NMNAT3: variants seen among roughly 807,000 people sequenced by gnomAD.
The protein encoded by NMNAT3 is nicotinamide/nicotinic acid mononucleotide adenylyltransferase 3.
A neutral mutation model predicts 24.8 loss-of-function variants in NMNAT3; 21 were observed. The observed-to-expected ratio is 0.85, with a 90% CI of 0.60 to 1.22. NMNAT3 has a LOEUF of 1.22. Ranked by LOEUF, NMNAT3 falls within the 50% of genes most tolerant of loss-of-function variation. The probability of loss-of-function intolerance (pLI) is 0.00; values close to 1 mark genes in which losing one functional copy is unlikely to be tolerated. For missense variants in NMNAT3, 387 were observed against 436.6 expected (o/e 0.89, Z 1.01); for synonymous variants, 136 against 155.2 (o/e 0.88, Z 0.92).
In NMNAT3 at chr3:139,598,974, T is replaced by C. The variant is rs550673448; in HGVS notation, c.110-15766A>G. ...CATCTATGTGTAGCCCCAAACCAGGTCACTCTAAGGTGTGATGGAAAAACT... is the reference window on the plus strand; with the variant it reads ...CATCTATGTGTAGCCCCAAACCAGGCCACTCTAAGGTGTGATGGAAAAACT... On this transcript the variant is annotated intron_variant, in intron 3 of 6. Coordinates refer to ENST00000643695, the MANE Select transcript of NMNAT3 (RefSeq NM_001320510.2). Among the ~76,000 whole-genome samples the C allele has an allele frequency of 3.3e-5, 5 of 152,196 alleles. No individual in the cohort carries two copies. In the South Asian group the frequency reaches 1.0e-3, roughly 32 times the overall value.
intron 3 of NMNAT3, among the ~76,000 whole-genome samples, chr3:139,603,637 A>G (rs1375055671): frequency 6.6e-6 from 1 of 152,136 alleles, no homozygotes; most frequent in Admixed American, 6.5e-5. Context: ...GACAACTGCC[A>G]TCACGGTCAC....
chr3:139,635,610 A>G (rs2056471640), intron 2 of NMNAT3: 1 of 152,226 alleles, frequency 6.6e-6, no homozygotes, highest in Non-Finnish European at 1.5e-5. Context: ...AATTAAAAAC[A>G]CAACCTACCA....
chr3:139,610,934 C>T (rs772879218), intron 3 of NMNAT3, among the ~76,000 whole-genome samples: 24 of 152,102 alleles, frequency 1.6e-4, no homozygotes, highest in Admixed American at 3.3e-4. Context: ...AATGATATTA[C>T]AATAAATATA....
chr3:139,664,185 G>C (rs1199736450), intron 1 of NMNAT3, among the ~76,000 whole-genome samples: 1 of 152,140 alleles, frequency 6.6e-6, no homozygotes, highest in African/African-American at 2.4e-5. Flanking sequence ...TGAAAGTAGA[G>C]AGATTAACAT....
intron 3 of NMNAT3, among the ~76,000 whole-genome samples, chr3:139,588,221 C>G (rs1247362462): frequency 1.3e-5 from 2 of 152,142 alleles, no homozygotes; most frequent in Non-Finnish European, 2.9e-5. Flanking sequence ...TCCATTACAG[C>G]ACCTGTATGA....
At chr3:139,609,555 T>C (rs933005587) in intron 3 of NMNAT3, 2 of 127,164 alleles carry the variant, frequency 1.6e-5, no homozygotes, top group Non-Finnish European at 3.3e-5. Context: ...TGGTTCTTCA[T>C]GTATTTTGTT....
At chr3:139,622,690 A>G (rs184700010) in intron 3 of NMNAT3, among the ~76,000 whole-genome samples, 112 of 149,708 alleles carry the variant, frequency 7.5e-4, no homozygotes, top group African/African-American at 2.6e-3. Context: ...AGCTGAGATC[A>G]TGGCACTGCA....
At chr3:139,561,533 A>C in intron 6 of NMNAT3, 141 bp from the exon 7 acceptor site, 1 of 759,458 alleles carries the variant, frequency 1.3e-6, no homozygotes, top group Non-Finnish European at 2.1e-6. Flanking sequence ...TGAAAAGAAA[A>C]AGCATGTAAA....
chr3:139,578,392 T>C (rs973010914), intron 5 of NMNAT3, among the ~76,000 whole-genome samples: 1 of 152,228 alleles, frequency 6.6e-6, no homozygotes, highest in African/African-American at 2.4e-5. Flanking sequence ...GCTTATTCTA[T>C]AGATGTAGTT....
At chr3:139,634,276 T>C (rs1183400106) in intron 2 of NMNAT3, 1 of 152,236 alleles carries the variant, frequency 6.6e-6, no homozygotes, top group East Asian at 1.9e-4. Context: ...TGAGCATTTG[T>C]AACGGGCCCA....
chr3:139,664,734 A>C (rs907697933), intron 1 of NMNAT3, among the ~76,000 whole-genome samples: 1 of 152,234 alleles, frequency 6.6e-6, no homozygotes, highest in Non-Finnish European at 1.5e-5. Context: ...AATAGAAAGA[A>C]TCTTGAATAT....
chr3:139,663,547 C>T (rs2057485720), intron 1 of NMNAT3, among the ~76,000 whole-genome samples: 1 of 152,202 alleles, frequency 6.6e-6, no homozygotes. Context: ...ATTCTGGGAT[C>T]TCAAACCTAG....
chr3:139,588,271 C>T (rs915104636), intron 3 of NMNAT3, among the ~76,000 whole-genome samples: 11 of 152,090 alleles, frequency 7.2e-5, no homozygotes, highest in Admixed American at 5.9e-4. Context: ...TGACACTGAG[C>T]GCTCCTTAAG....
intron 1 of NMNAT3, among the ~76,000 whole-genome samples, chr3:139,653,366 A>G (rs2108395963): frequency 6.6e-6 from 1 of 152,358 alleles, no homozygotes; most frequent in Admixed American, 6.5e-5. Flanking sequence ...ATTTAAAAAT[A>G]ATGGAAATCA....
At chr3:139,653,298 G>A (rs560379079) in intron 1 of NMNAT3, among the ~76,000 whole-genome samples, 2 of 151,764 alleles carry the variant, frequency 1.3e-5, no homozygotes, top group South Asian at 4.2e-4. Context: ...AATGTGCCAT[G>A]GAATAATGCA....
chr3:139,631,420 A>T (rs1393813581), intron 2 of NMNAT3, among the ~76,000 whole-genome samples: 1 of 152,166 alleles, frequency 6.6e-6, no homozygotes, highest in Non-Finnish European at 1.5e-5. Context: ...TGCATGCTAT[A>T]AAAGTGTCCC....
At chr3:139,615,380 CGTT>C (rs1444879637) in intron 3 of NMNAT3, among the ~76,000 whole-genome samples, 2 of 151,916 alleles carry the variant, frequency 1.3e-5, no homozygotes, top group Non-Finnish European at 2.9e-5. Flanking sequence ...GCTAAGATAG[CGTT>C]GTATGTGTAT....
chr3:139,662,847 C>T (rs536833939), intron 1 of NMNAT3, among the ~76,000 whole-genome samples: 18 of 152,254 alleles, frequency 1.2e-4, no homozygotes, highest in African/African-American at 4.1e-4. Context: ...TAATGACCCC[C>T]CAATCAATAT....
intron 3 of NMNAT3, among the ~76,000 whole-genome samples, chr3:139,614,732 A>T (rs566700038): frequency 5.9e-5 from 9 of 152,334 alleles, no homozygotes; most frequent in African/African-American, 1.9e-4. Context: ...GTTAGCTTTG[A>T]TCACTTGGTT....
Sources: gnomAD v4.1 joint callset for allele counts (sites outside exome capture counted in the v4.1 genomes callset) on GRCh38, gnomAD v4.1.1 for gene constraint, MANE v1.5 for transcripts, NCBI Gene and HGNC (gene_info 2026-07-23, HGNC 2026-07-21) for gene names.